The following TNRC18 variants were observed in gnomAD, a reference collection of about 807,000 sequenced individuals.
TNRC18 encodes the protein trinucleotide repeat containing 18.
A neutral mutation model predicts 226.7 loss-of-function variants in TNRC18; 69 were observed. That is an observed-to-expected ratio of 0.30 (90% CI 0.25 to 0.37). TNRC18 has a LOEUF of 0.37. Ranked by LOEUF, TNRC18 falls within the 10% of genes least tolerant of loss-of-function variation. The pLI, the probability that TNRC18 is intolerant of heterozygous loss-of-function variation, is 1.00. For missense variants in TNRC18, 4,754 were observed against 4,256.6 expected, an observed-to-expected ratio of 1.12 and a Z score of -3.25; for synonymous variants, 2,449 against 1,927.6, an observed-to-expected ratio of 1.27 and a Z score of -7.09.
intron 5 of TNRC18, among the ~76,000 whole-genome samples, chr7:5,385,058 G>C (rs1364694564): frequency 1.3e-5 from 2 of 152,240 alleles, no homozygotes; most frequent in Admixed American, 6.5e-5. Context: ...CCCGGTCCAA[G>C]GTGGCTCCAC....
Position 5,332,652 on chromosome 7 carries a change from C to T in TNRC18, c.6117G>A (p.Gly2039=), listed in dbSNP as rs1583804729. The T allele has an allele frequency of 1.3e-6, 2 of 1,532,462 alleles. No homozygotes were observed. 94.9% of individuals were successfully genotyped at this position (1,532,462 alleles called of 1,614,324 possible). A position where few individuals can be genotyped will look rare whatever the true frequency, so the allele number is the denominator to read the frequency against. ...GGPLSPRKDA[G]RAKDRKDPRK... ...TGGGGTCCTTCCTGTCCTTTGCACGCCCGGCGTCCTTGCGCGGGCTCAGGG... is the reference window on the plus strand; with the variant it reads ...TGGGGTCCTTCCTGTCCTTTGCACGTCCGGCGTCCTTGCGCGGGCTCAGGG... Residue 2039 remains glycine (G), a synonymous_variant, in exon 19 of 30, where the codon GGG becomes GGA. Coordinates refer to ENST00000430969, the MANE Select transcript of TNRC18 (RefSeq NM_001080495.3).
intron 17 of TNRC18, among the ~76,000 whole-genome samples, chr7:5,346,632 C>T (rs1020743157): frequency 3.3e-5 from 5 of 151,706 alleles, no homozygotes; most frequent in African/African-American, 1.2e-4. Context: ...AACGCAGAGT[C>T]CCCGTGACTA....
Position 5,371,506 on chromosome 7 carries a change from G to A in TNRC18, c.3230-142C>T, listed in dbSNP as rs781237589. 3.5e-6 allele frequency: 4 copies of A among 1,144,340 alleles called. No homozygotes were observed. In the East Asian group the frequency reaches 7.9e-5, roughly 23 times the overall value. The allele number at this position is 1,144,340 out of a possible 1,614,324, so 70.9% of individuals were successfully genotyped here. On this transcript the variant is annotated intron_variant, in intron 10 of 29. Transcript: ENST00000430969. ...CAGCTACAGGGTGGGAGCTGTTCTA[G>A]GTGGGATCTCAGAAACCCCAGGGCC...
intron 18 of TNRC18, 43 bp downstream of exon 18, chr7:5,345,519 C>CCCCCCCCCCA: frequency 1.1e-5 from 2 of 174,076 alleles, no homozygotes; most frequent in Non-Finnish European, 2.4e-5. Context: ...TGGCGTCCGC[C>CCCCCCCCCCA]CCTCCCACCC....
intron 1 of TNRC18, chr7:5,422,952 C>G (rs910559559): frequency 2.0e-5 from 3 of 152,238 alleles, no homozygotes; most frequent in Non-Finnish European, 4.4e-5. Flanking sequence ...TATGCCCAGG[C>G]GCCCCAGTTT....
At chr7:5,311,521 A>T (rs1348885796) in intron 27 of TNRC18, among the ~76,000 whole-genome samples, 1 of 152,172 alleles carries the variant, frequency 6.6e-6, no homozygotes, top group Non-Finnish European at 1.5e-5. Flanking sequence ...GAACACTCAA[A>T]TGCCACACAC....
intron 18 of TNRC18, among the ~76,000 whole-genome samples, chr7:5,335,474 G>T (rs1789999611): frequency 6.6e-6 from 1 of 151,772 alleles, no homozygotes; most frequent in African/African-American, 2.4e-5. Flanking sequence ...CAGGCATGGT[G>T]GTGGGCACTG....
intron 2 of TNRC18, among the ~76,000 whole-genome samples, chr7:5,416,282 G>A (rs573284851): frequency 6.6e-6 from 1 of 152,096 alleles, no homozygotes; most frequent in Non-Finnish European, 1.5e-5. Flanking sequence ...GGACATGGTG[G>A]CGGGCACCTG....
At chr7:5,391,319 T>C (rs1203457189) in intron 3 of TNRC18, among the ~76,000 whole-genome samples, 1 of 151,814 alleles carries the variant, frequency 6.6e-6, no homozygotes, top group East Asian at 1.9e-4. Flanking sequence ...TATTCAGATT[T>C]TTTTTTTTTT....
chr7:5,327,372 C>CGTGCGTGTGT (rs1554273803), intron 19 of TNRC18, among the ~76,000 whole-genome samples: 2 of 142,708 alleles, frequency 1.4e-5, no homozygotes, highest in African/African-American at 5.1e-5. Flanking sequence ...TGTGTTTGTG[C>CGTGCGTGTGT]GTGTGTGTGT....
intron 18 of TNRC18, 45 bp downstream of exon 18, chr7:5,345,517 G>GGGGGGGGCCCCCCCCCC: frequency 2.6e-6 from 1 of 377,744 alleles, no homozygotes. Context: ...AATGGCGTCC[G>GGGGGGGGCCCCCCCCCC]CCCCTCCCAC....
rs999772927 is a variant in TNRC18 at position 5,392,628 on chromosome 7, A to C, written c.343+1812T>G. On this transcript the variant is annotated intron_variant, in intron 3 of 29. Coordinates refer to ENST00000430969, the MANE Select transcript of TNRC18 (RefSeq NM_001080495.3). ...AAGACTCCATTTCAAAAAATAAATA[A>C]ATAAGTAAAATACAACCAACAATAA... Among the ~76,000 whole-genome samples, 5 of 151,820 alleles carry C rather than the reference A, an allele frequency of 3.3e-5. No individual in the cohort carries two copies. In the East Asian group the frequency reaches 7.7e-4, roughly 24 times the overall value.
At chr7:5,368,306 T>C (rs1233444013) in intron 11 of TNRC18, among the ~76,000 whole-genome samples, 1 of 122,142 alleles carries the variant, frequency 8.2e-6, no homozygotes, top group African/African-American at 3.0e-5. Context: ...ATCTCTACTT[T>C]TTGTAAAAAA....
chr7:5,351,452 G>A (rs1329813349), intron 17 of TNRC18, among the ~76,000 whole-genome samples: 1 of 140,366 alleles, frequency 7.1e-6, no homozygotes, highest in Non-Finnish European at 1.5e-5. Flanking sequence ...CAAGCCTGGG[G>A]TCTCTGGGTG....
At position 5,307,879 on chromosome 7, in the gene TNRC18, G is replaced by C; in HGVS notation, c.*227C>G. The C allele has an allele frequency of 1.7e-6, 1 of 577,112 alleles. No individual in the cohort carries two copies. Among genetic ancestry groups the C allele is most frequent in the Non-Finnish European group, 3.1e-6 (1 of 321,770 alleles). The allele number at this position is 577,112 out of a possible 1,614,324, so 35.7% of individuals were successfully genotyped here. ...ATAGCTAAGAGGGGCCCCTGTCCTG[G>C]GGGCACTGAGGGGTTGGAAGGTGGG... On this transcript the variant is annotated 3_prime_UTR_variant, in exon 30 of 30. Transcript: ENST00000430969.
At chr7:5,402,154 G>A (rs1247878048) in intron 2 of TNRC18, among the ~76,000 whole-genome samples, 2 of 144,898 alleles carry the variant, frequency 1.4e-5, no homozygotes, top group Non-Finnish European at 3.0e-5. Context: ...ACTCCAGCCT[G>A]GGCAACACAG....
intron 2 of TNRC18, among the ~76,000 whole-genome samples, chr7:5,395,141 C>T (rs1477639979): frequency 2.6e-5 from 4 of 152,174 alleles, no homozygotes; most frequent in Non-Finnish European, 5.9e-5. Context: ...GAAGGTGAGG[C>T]TCAGAGATGG....
intron 2 of TNRC18, among the ~76,000 whole-genome samples, chr7:5,413,837 G>A (rs1392592536): frequency 6.6e-6 from 1 of 152,138 alleles, no homozygotes; most frequent in African/African-American, 2.4e-5. Context: ...CCAGCCCCTA[G>A]TTTTTCTTTA....
At chr7:5,348,303 A>G (rs1307842269) in intron 17 of TNRC18, among the ~76,000 whole-genome samples, 1 of 152,216 alleles carries the variant, frequency 6.6e-6, no homozygotes, top group Admixed American at 6.5e-5. Context: ...CTCACGGACC[A>G]GAGTGCTGGG....
Sources: allele counts gnomAD v4.1 joint callset (sites outside exome capture counted in the v4.1 genomes callset), GRCh38; gene constraint gnomAD v4.1.1; transcripts MANE v1.5; gene names NCBI Gene and HGNC (gene_info 2026-07-23, HGNC 2026-07-21).